PTPRN2: variants seen among roughly 807,000 people sequenced by gnomAD.
PTPRN2 encodes the protein receptor-type tyrosine-protein phosphatase N2.
In PTPRN2, 74 loss-of-function variants were observed where a neutral mutation model predicts 118.8. The observed-to-expected ratio is 0.62, with a 90% CI of 0.52 to 0.76. The LOEUF is 0.76. PTPRN2 is among the 30% of genes least tolerant of loss of function. PTPRN2 has a pLI of 0.00. For synonymous variants in PTPRN2, 641 were observed against 608.0 expected (o/e 1.05, Z -0.80); for missense variants, 1,481 against 1,394.4 (o/e 1.06, Z -0.99).
chr7:158,269,821 G>A (rs1798175189), intron 3 of PTPRN2, among the ~76,000 whole-genome samples: 5 of 151,998 alleles, frequency 3.3e-5, no homozygotes, highest in Admixed American at 2.6e-4. Flanking sequence ...GACAGAGATA[G>A]AAAGAGACAG....
intron 10 of PTPRN2, among the ~76,000 whole-genome samples, chr7:158,109,137 G>A (rs1815963735): frequency 6.6e-6 from 1 of 151,562 alleles, no homozygotes. Flanking sequence ...GAGTGAAGGA[G>A]ACAGTGAGTG....
chr7:158,135,267 C>T (rs1054255081), intron 8 of PTPRN2, among the ~76,000 whole-genome samples: 1 of 152,170 alleles, frequency 6.6e-6, no homozygotes, highest in Admixed American at 6.5e-5. Context: ...ATTTTGGCTA[C>T]AAATTACAAC....
chr7:157,935,232 T>G (rs1799627057), intron 11 of PTPRN2, among the ~76,000 whole-genome samples: 4 of 152,242 alleles, frequency 2.6e-5, no homozygotes, highest in Non-Finnish European at 1.5e-5. Flanking sequence ...TCTTCTTTTT[T>G]TGTGTCCCAC....
intron 11 of PTPRN2, among the ~76,000 whole-genome samples, chr7:157,947,635 A>T (rs1220288834): frequency 6.6e-6 from 1 of 152,222 alleles, no homozygotes; most frequent in Non-Finnish European, 1.5e-5. Flanking sequence ...GAAGCTGACG[A>T]AATCATGTAT....
At chr7:157,545,397 G>C (rs1296762930) in intron 22 of PTPRN2, among the ~76,000 whole-genome samples, 1 of 147,484 alleles carries the variant, frequency 6.8e-6, no homozygotes, top group Non-Finnish European at 1.5e-5. Flanking sequence ...GGTGTGCACT[G>C]CGTGAGTGGG....
At chr7:158,272,582 G>A (rs761870177) in intron 3 of PTPRN2, among the ~76,000 whole-genome samples, 10 of 152,238 alleles carry the variant, frequency 6.6e-5, no homozygotes, top group Admixed American at 2.0e-4. Flanking sequence ...CACCGCACGC[G>A]GCCCACCTGC....
intron 15 of PTPRN2, chr7:157,614,135 G>A (rs182132791): frequency 6.4e-6 from 3 of 470,620 alleles, no homozygotes; most frequent in East Asian, 1.4e-4. Context: ...GGAGAGGAGG[G>A]GGAAGACAGG....
At chr7:158,326,605 C>T (rs1563141749) in intron 2 of PTPRN2, among the ~76,000 whole-genome samples, 2 of 151,780 alleles carry the variant, frequency 1.3e-5, no homozygotes, top group African/African-American at 2.4e-5. Context: ...CACAGGCACA[C>T]GTTCTCACAC....
At chr7:158,070,594 TGTGGTGGAGGTGCTCCTG>T (rs1811222777) in intron 11 of PTPRN2, among the ~76,000 whole-genome samples, 1 of 31,192 alleles carries the variant, frequency 3.2e-5, no homozygotes, top group Non-Finnish European at 5.8e-5. Context: ...TGGAGGTGCC[TGTGGTGGAGGTGCTCCTG>T]GTGGTGGAGG....
chr7:157,901,045 T>A (rs556670398), intron 11 of PTPRN2, among the ~76,000 whole-genome samples: 51 of 152,332 alleles, frequency 3.3e-4, no homozygotes, highest in African/African-American at 1.1e-3. Context: ...CCCAGGCTGC[T>A]TCCACTTGCA....
intron 11 of PTPRN2, among the ~76,000 whole-genome samples, chr7:158,070,988 G>GGTGGAGGTGCCCATGGTA (rs1811364319): frequency 8.3e-6 from 1 of 120,770 alleles, no homozygotes; most frequent in African/African-American, 3.7e-5. Context: ...TGCCCGTGGT[G>GGTGGAGGTGCCCATGGTA]GTGGAGGTGC....
intron 1 of PTPRN2, among the ~76,000 whole-genome samples, chr7:158,504,936 A>T (rs1438233452): frequency 1.3e-5 from 2 of 152,248 alleles, no homozygotes; most frequent in Admixed American, 6.5e-5. Context: ...AAAGGTATAT[A>T]TGTAAGACTT....
At chr7:158,121,065 C>A (rs1817134172) in intron 9 of PTPRN2, among the ~76,000 whole-genome samples, 1 of 152,150 alleles carries the variant, frequency 6.6e-6, no homozygotes, top group Non-Finnish European at 1.5e-5. Context: ...GCTGCAGGTT[C>A]CTTCCTCCCG....
In PTPRN2 at chr7:158,360,025, A is replaced by G. The variant is rs570868920; in HGVS notation, c.164-43093T>C. The stretch of plus-strand genomic sequence containing the variant: ...ACGCTGCATCCTTCCTCACCCAGAC[A>G]ACCCACAGATCCCAAGTCCACCCAC... On this transcript the variant is annotated intron_variant, in intron 2 of 22. Transcript: ENST00000389418. Among the ~76,000 whole-genome samples the G allele has an allele frequency of 1.4e-3, 216 of 151,080 alleles. 5 individuals are homozygous for G. The highest frequency in any genetic ancestry group is 4.6e-3 in the African/African-American group (190 of 40,984).
intron 11 of PTPRN2, among the ~76,000 whole-genome samples, chr7:157,928,121 G>C (rs553786502): frequency 6.6e-6 from 1 of 152,152 alleles, no homozygotes; most frequent in African/African-American, 2.4e-5. Flanking sequence ...GAATTCACAC[G>C]TTTAACTCTC....
intron 12 of PTPRN2, among the ~76,000 whole-genome samples, chr7:157,820,318 TCA>T (rs1190123395): frequency 7.5e-6 from 1 of 133,404 alleles, no homozygotes; most frequent in African/African-American, 2.9e-5. Flanking sequence ...CCACACACGT[TCA>T]CACACACAAC....
At chr7:157,900,172 C>T (rs185151514) in intron 11 of PTPRN2, among the ~76,000 whole-genome samples, 68 of 152,310 alleles carry the variant, frequency 4.5e-4, no homozygotes, top group Middle Eastern at 3.4e-3. Flanking sequence ...TGCCGGGGAG[C>T]GCCCTTTTCC....
chr7:157,865,206 G>C (rs1810562286), intron 12 of PTPRN2: 1 of 152,420 alleles, frequency 6.6e-6, no homozygotes, highest in African/African-American at 2.4e-5. Context: ...GCCGGGCACT[G>C]TGGGGGTGGC....
intron 2 of PTPRN2, among the ~76,000 whole-genome samples, chr7:158,375,887 C>T (rs1030481429): frequency 2.6e-5 from 4 of 152,144 alleles, no homozygotes; most frequent in African/African-American, 9.7e-5. Context: ...CTCCAGCTCC[C>T]CATCCATCCC....
Sources: allele counts gnomAD v4.1 joint callset (sites outside exome capture counted in the v4.1 genomes callset), GRCh38; gene constraint gnomAD v4.1.1; transcripts MANE v1.5; gene names NCBI Gene and HGNC (gene_info 2026-07-23, HGNC 2026-07-21).